The following CDH13 variants were observed in gnomAD, a reference collection of about 807,000 sequenced individuals.
The protein encoded by CDH13 is cadherin-13.
Under a neutral mutation model 63.8 loss-of-function variants are expected in CDH13, and 24 were observed. That is an observed-to-expected ratio of 0.38 (90% CI 0.27 to 0.53). The LOEUF is 0.53. Among genes scored for constraint, CDH13 ranks in the 20% least tolerant of loss-of-function variants. The probability of loss-of-function intolerance (pLI) is 0.85; values close to 1 mark genes in which losing one functional copy is unlikely to be tolerated. For synonymous variants in CDH13, 503 were observed against 355.3 expected (o/e 1.42, Z -4.67); for missense variants, 1,049 against 903.1 (o/e 1.16, Z -2.07).
intron 2 of CDH13, among the ~76,000 whole-genome samples, chr16:82,960,039 G>C (rs1307343425): frequency 6.6e-6 from 1 of 152,102 alleles, no homozygotes; most frequent in African/African-American, 2.4e-5. Context: ...GAAGAGTTTT[G>C]AGCAGTAAGG....
At chr16:82,883,053 A>C (rs2040760661) in intron 2 of CDH13, among the ~76,000 whole-genome samples, 1 of 152,146 alleles carries the variant, frequency 6.6e-6, no homozygotes, top group Admixed American at 6.5e-5. Flanking sequence ...ATCACCTTCT[A>C]AGGGTTAGAG....
intron 3 of CDH13, among the ~76,000 whole-genome samples, chr16:83,051,935 T>A (rs2030382617): frequency 7.8e-6 from 1 of 128,114 alleles, no homozygotes; most frequent in Non-Finnish European, 1.9e-5. Context: ...AACCATTTAA[T>A]TTTTTTTTTG....
At chr16:83,387,790 C>T (rs1407455406) in intron 6 of CDH13, among the ~76,000 whole-genome samples, 1 of 152,206 alleles carries the variant, frequency 6.6e-6, no homozygotes, top group Non-Finnish European at 1.5e-5. Flanking sequence ...CTGGCTCCTA[C>T]AGCAGTCCCC....
chr16:82,732,048 C>T lies in CDH13; in HGVS notation c.45+104911C>T, dbSNP rs553779860. 3.3e-5 allele frequency among the ~76,000 whole-genome samples: 5 copies of T among 152,240 alleles called. No homozygotes were observed. The South Asian group carries it at 1.0e-3, about 32-fold the overall frequency. ...TTCTTCAAAAAAGACTTCTTTGATC[C>T]CTTCAGTACCAAATGAGTTCTTCCC... is the stretch of plus-strand genomic sequence containing the variant. On this transcript the variant is annotated intron_variant, in intron 1 of 13. Transcript: ENST00000567109.
intron 3 of CDH13, among the ~76,000 whole-genome samples, chr16:83,057,130 C>A (rs573992805): frequency 2.6e-5 from 4 of 152,182 alleles, no homozygotes; most frequent in South Asian, 4.2e-4. Context: ...CCACACCCAG[C>A]TAATTTTTAT....
intron 1 of CDH13, among the ~76,000 whole-genome samples, chr16:82,720,358 G>T (rs750177026): frequency 7.2e-5 from 11 of 152,106 alleles, no homozygotes; most frequent in Admixed American, 1.3e-4. Flanking sequence ...TACTTCATGA[G>T]TTTTTGTTTT....
chr16:82,663,945 A>T (rs999354341), intron 1 of CDH13, among the ~76,000 whole-genome samples: 1 of 152,200 alleles, frequency 6.6e-6, no homozygotes, highest in Non-Finnish European at 1.5e-5. Context: ...CATGACAGGC[A>T]TTCCACTCTG....
intron 5 of CDH13, among the ~76,000 whole-genome samples, chr16:83,267,920 G>A (rs1470304831): frequency 6.6e-6 from 1 of 152,186 alleles, no homozygotes; most frequent in Middle Eastern, 3.2e-3. Context: ...GCCAGACCAA[G>A]TGAAGTGTCT....
intron 1 of CDH13, among the ~76,000 whole-genome samples, chr16:82,796,941 C>T (rs190428549): frequency 1.8e-4 from 27 of 152,306 alleles, no homozygotes; most frequent in African/African-American, 6.5e-4. Flanking sequence ...GGTAAGTTTG[C>T]TCCTTACAAC....
chr16:82,655,017 G>A (rs948443642), intron 1 of CDH13, among the ~76,000 whole-genome samples: 1 of 152,196 alleles, frequency 6.6e-6, no homozygotes, highest in Non-Finnish European at 1.5e-5. Context: ...TCTTGGCTCT[G>A]GGGTACAGGT....
At chr16:83,003,135 T>C (rs1264574269) in intron 2 of CDH13, among the ~76,000 whole-genome samples, 1 of 152,166 alleles carries the variant, frequency 6.6e-6, no homozygotes, top group East Asian at 1.9e-4. Flanking sequence ...CTTATGTAAA[T>C]ATTTATCTCA....
chr16:83,473,570 A>T (rs534797067), intron 6 of CDH13, among the ~76,000 whole-genome samples: 1 of 152,060 alleles, frequency 6.6e-6, no homozygotes, highest in Non-Finnish European at 1.5e-5. Flanking sequence ...CTGCACTACA[A>T]CTCAAGGATA....
chr16:83,098,751 A>G (rs1000027021), intron 3 of CDH13, among the ~76,000 whole-genome samples: 8 of 152,158 alleles, frequency 5.3e-5, no homozygotes, highest in Non-Finnish European at 1.0e-4. Flanking sequence ...TCTGTGTGCC[A>G]TGTGTCTTCT....
At chr16:83,018,992 G>T (rs890202156) in intron 2 of CDH13, among the ~76,000 whole-genome samples, 2 of 152,172 alleles carry the variant, frequency 1.3e-5, no homozygotes, top group Non-Finnish European at 2.9e-5. Context: ...GAATGTGAAG[G>T]CCTAGGACAT....
At chr16:83,562,058 G>C (rs1204244474) in intron 7 of CDH13, among the ~76,000 whole-genome samples, 1 of 152,174 alleles carries the variant, frequency 6.6e-6, no homozygotes, top group African/African-American at 2.4e-5. Flanking sequence ...ACCTTGGAGA[G>C]CTCATGGTGA....
intron 5 of CDH13, among the ~76,000 whole-genome samples, chr16:83,335,119 A>G (rs1316321770): frequency 6.6e-6 from 1 of 152,192 alleles, no homozygotes; most frequent in Admixed American, 6.5e-5. Context: ...TTATAAATAA[A>G]CAATATAGTA....
intron 7 of CDH13, among the ~76,000 whole-genome samples, chr16:83,543,373 G>A (rs1319776758): frequency 6.6e-6 from 1 of 152,152 alleles, no homozygotes; most frequent in Non-Finnish European, 1.5e-5. Context: ...CTGATTAAAT[G>A]ACATGGCTCC....
chr16:83,349,399 G>A (rs1015414870), intron 6 of CDH13, among the ~76,000 whole-genome samples: 12 of 152,090 alleles, frequency 7.9e-5, no homozygotes, highest in African/African-American at 2.4e-4. Context: ...TGGGTGTTTT[G>A]CCCTCTGGTG....
intron 7 of CDH13, among the ~76,000 whole-genome samples, chr16:83,515,934 G>A (rs1207423709): frequency 6.6e-6 from 1 of 152,062 alleles, no homozygotes; most frequent in Non-Finnish European, 1.5e-5. Context: ...GAAATGATAA[G>A]CTGATATTTG....
Sources: allele counts gnomAD v4.1 joint callset (sites outside exome capture counted in the v4.1 genomes callset), GRCh38; gene constraint gnomAD v4.1.1; transcripts MANE v1.5; gene names NCBI Gene and HGNC (gene_info 2026-07-23, HGNC 2026-07-21).